Variants in PAX9 observed in about 807,000 individuals in gnomAD.
PAX9 encodes paired box 9, also known as paired box protein Pax-9.
A neutral mutation model predicts 29.1 loss-of-function variants in PAX9; 6 were observed. That is an observed-to-expected ratio of 0.21 (90% CI 0.11 to 0.41). PAX9 has a LOEUF of 0.41. Ranked by LOEUF, PAX9 falls within the 10% of genes least tolerant of loss-of-function variation. The probability of loss-of-function intolerance (pLI) is 1.00; values close to 1 mark genes in which losing one functional copy is unlikely to be tolerated. For missense variants in PAX9, 443 were observed against 479.1 expected (o/e 0.92, Z 0.70); for synonymous variants, 217 against 211.7 (o/e 1.03, Z -0.22).
At chr14:36,669,410 A>G (rs538744193) in intron 3 of PAX9, among the ~76,000 whole-genome samples, 1 of 150,978 alleles carries the variant, frequency 6.6e-6, no homozygotes, top group Non-Finnish European at 1.5e-5. Flanking sequence ...TGCTTATATT[A>G]TGGACAATAA....
At chr14:36,662,510 C>T (rs1881314279) in intron 1 of PAX9, 2 of 386,624 alleles carry the variant, frequency 5.2e-6, no homozygotes, top group Non-Finnish European at 9.3e-6. Context: ...CCAGAAGGAA[C>T]GCTGGGGATG....
At chr14:36,660,058 G>C (rs909750609), upstream of PAX9, among the ~76,000 whole-genome samples, 5 of 152,118 alleles carry the variant, frequency 3.3e-5, no homozygotes, top group African/African-American at 1.2e-4. Context: ...TGAGGGGGGA[G>C]GAGGATTCCT....
At chr14:36,658,384 G>T (rs1023481841), upstream of PAX9, among the ~76,000 whole-genome samples, 27 of 151,198 alleles carry the variant, frequency 1.8e-4, no homozygotes, top group Admixed American at 1.2e-3. Context: ...GGGGGGGGGG[G>T]GTCCTGTCCC....
chr14:36,667,639 A>T (rs759902959), intron 3 of PAX9, among the ~76,000 whole-genome samples: 8 of 152,142 alleles, frequency 5.3e-5, no homozygotes, highest in Admixed American at 6.6e-5. Flanking sequence ...TTGAAAAAAC[A>T]TCTTAGTCAT....
chr14:36,665,156 G>C (rs1405199985), intron 2 of PAX9, among the ~76,000 whole-genome samples: 3 of 129,126 alleles, frequency 2.3e-5, no homozygotes, highest in African/African-American at 6.1e-5. Flanking sequence ...TGGTAGAGGA[G>C]GAGACATAGT....
rs3061562 is a variant in PAX9 at position 36,672,852 on chromosome 14, C to CT, written c.772-3316dup. 7.8e-4 allele frequency among the ~76,000 whole-genome samples: 15 copies of CT among 19,154 alleles called. 4 individuals are homozygous for CT. The highest frequency in any genetic ancestry group is 4.1e-3 in the South Asian group (1 of 246). 12.6% of individuals were successfully genotyped at this position (19,154 alleles called of 152,430 possible). On this transcript the variant is annotated intron_variant, in intron 3 of 3. Transcript: ENST00000361487. ...TTCTTTTTTCTTTCTTTCTTTCTTC[C>CT]TTTTTTTTTTTTTTTTTTTTTTTTT...
At position 36,663,528 on chromosome 14, in the gene PAX9, G is replaced by A; in HGVS notation, c.631+5G>A. 1.2e-6 allele frequency: 2 copies of A among 1,612,678 alleles called. No individual in the cohort carries two copies. The highest frequency in any genetic ancestry group is 1.7e-6 in the Non-Finnish European group (2 of 1,179,906). On this transcript the variant is annotated splice_donor_5th_base_variant and intron_variant, in intron 2 of 3. Transcript: ENST00000361487. ...TCCGCTCCATCACCGACCAAGGTAG[G>A]GGCTCAGAGGCTGGGCGTGTGGATG...
Position 36,678,489 on chromosome 14 carries a change from T to TGAGA in PAX9, c.*2038_*2041dup. On this transcript the variant is annotated 3_prime_UTR_variant, in exon 4 of 4. Transcript: ENST00000361487. ...TTGACATCTGGAGTTCCCAGTCTGGTGAGAAAATAGACTATAAACTGAATG... is the reference window on the plus strand; with the variant it reads ...TTGACATCTGGAGTTCCCAGTCTGGTGAGAGAGAAAATAGACTATAAACTGAATG... The TGAGA allele has an allele frequency of 2.6e-6, 4 of 1,535,898 alleles. No homozygotes were observed. The South Asian group carries it at 4.8e-5, about 18-fold the overall frequency.
Position 36,679,140 on chromosome 14 carries a change from G to C in PAX9, c.*2688G>C, listed in dbSNP as rs1345874895. ...TGGATGTAAGAATATTACCTGCAAGGATAGAATGCAGTTGTGCAACAGAGA... is the reference window on the plus strand; with the variant it reads ...TGGATGTAAGAATATTACCTGCAAGCATAGAATGCAGTTGTGCAACAGAGA... On this transcript the variant is annotated 3_prime_UTR_variant, in exon 4 of 4. Transcript: ENST00000361487. 8.1e-6 allele frequency: 8 copies of C among 985,258 alleles called. No individual in the cohort carries two copies. Among genetic ancestry groups the C allele is most frequent in the African/African-American group, 1.7e-5 (1 of 57,232 alleles). 61.0% of individuals were successfully genotyped at this position (985,258 alleles called of 1,614,324 possible). A position where few individuals can be genotyped will look rare whatever the true frequency, so the allele number is the denominator to read the frequency against.
At chr14:36,665,347 C>T (rs1161750069) in intron 2 of PAX9, among the ~76,000 whole-genome samples, 1 of 152,088 alleles carries the variant, frequency 6.6e-6, no homozygotes, top group Non-Finnish European at 1.5e-5. Flanking sequence ...GTTTGTGACA[C>T]ATTTGTGATT....
chr14:36,678,626 A>G lies in PAX9; in HGVS notation c.*2174A>G. On this transcript the variant is annotated 3_prime_UTR_variant, in exon 4 of 4. Transcript: ENST00000361487. ...TAAGGTACAGAACTATTCTTTATCA[A>G]ATGTTTTTAGGTGGCTGTTAGGGGG... 1 of 1,311,232 alleles carries G rather than the reference A, an allele frequency of 7.6e-7. No homozygotes were observed. Among genetic ancestry groups the G allele is most frequent in the Non-Finnish European group, 9.7e-7 (1 of 1,028,892 alleles). The allele number at this position is 1,311,232 out of a possible 1,614,324, so 81.2% of individuals were successfully genotyped here.
At chr14:36,670,789 A>G (rs1372406114) in intron 3 of PAX9, among the ~76,000 whole-genome samples, 2 of 152,080 alleles carry the variant, frequency 1.3e-5, no homozygotes, top group African/African-American at 4.8e-5. Flanking sequence ...GGCTATGTCA[A>G]TTTTAATAAT....
upstream of PAX9, among the ~76,000 whole-genome samples, chr14:36,659,426 C>T (rs1366109609): frequency 6.6e-6 from 1 of 152,370 alleles, no homozygotes; most frequent in East Asian, 1.9e-4. Flanking sequence ...CAGCATCACC[C>T]TCTTCTGCTG....
chr14:36,669,554 A>C (rs1234169248), intron 3 of PAX9, among the ~76,000 whole-genome samples: 2 of 152,178 alleles, frequency 1.3e-5, no homozygotes, highest in Non-Finnish European at 2.9e-5. Flanking sequence ...TTGAGAATTC[A>C]GAATCATAGA....
chr14:36,666,376 C>T (rs1881487534), intron 2 of PAX9, 86 bp from the exon 3 acceptor site: 1 of 1,525,178 alleles, frequency 6.6e-7, no homozygotes. Context: ...AGCCCTCCAG[C>T]TCTCCGTCGC....
intron 3 of PAX9, among the ~76,000 whole-genome samples, chr14:36,671,555 C>T (rs917499094): frequency 2.6e-5 from 4 of 151,696 alleles, no homozygotes; most frequent in African/African-American, 9.7e-5. Flanking sequence ...CTTTTGCTTT[C>T]ACAAACCTAT....
At chr14:36,660,600 G>A (rs1881219972), upstream of PAX9, among the ~76,000 whole-genome samples, 1 of 152,168 alleles carries the variant, frequency 6.6e-6, no homozygotes, top group Non-Finnish European at 1.5e-5. Context: ...GCTTCTCTGG[G>A]TGTAGACCGC....
chr14:36,661,352 C>A (rs1011485322), upstream of PAX9, among the ~76,000 whole-genome samples: 19 of 152,232 alleles, frequency 1.2e-4, no homozygotes, highest in African/African-American at 4.6e-4. Context: ...TATCTTCTCA[C>A]ACCTGCGCTC....
upstream of PAX9, among the ~76,000 whole-genome samples, chr14:36,660,829 C>T (rs573763316): frequency 8.5e-5 from 13 of 152,346 alleles, no homozygotes; most frequent in South Asian, 2.5e-3. Context: ...AAAAAGCATA[C>T]GGTACACTTT....
Sources: allele counts gnomAD v4.1 joint callset (sites outside exome capture counted in the v4.1 genomes callset), GRCh38; gene constraint gnomAD v4.1.1; transcripts MANE v1.5; gene names NCBI Gene and HGNC (gene_info 2026-07-23, HGNC 2026-07-21).